The following ABTB3 variants were observed in gnomAD, a reference collection of about 807,000 sequenced individuals.
ABTB3 encodes the protein ankyrin repeat- and BTB/POZ domain-containing protein 3.
the ABTB3 span, among the ~76,000 whole-genome samples, chr12:107,598,738 G>A: frequency 6.6e-6 from 1 of 152,198 alleles, no homozygotes; most frequent in Admixed American, 6.5e-5. Flanking sequence ...TGTCCATGCT[G>A]GGAGGTACCC....
At chr12:107,517,848 T>A in the ABTB3 span, among the ~76,000 whole-genome samples, 1 of 151,778 alleles carries the variant, frequency 6.6e-6, no homozygotes, top group South Asian at 2.1e-4. Context: ...TGGGAGAAAA[T>A]TTTTGCAATC....
the ABTB3 span, among the ~76,000 whole-genome samples, chr12:107,454,011 G>A: frequency 1.3e-5 from 2 of 152,200 alleles, no homozygotes; most frequent in Non-Finnish European, 2.9e-5. Context: ...TGGTTTAAGG[G>A]GAAATCAAGA....
the ABTB3 span, among the ~76,000 whole-genome samples, chr12:107,601,231 A>G: frequency 0.15 from 21,898 of 150,366 alleles, 1,683 homozygotes; most frequent in East Asian, 0.29. Flanking sequence ...TTAGCAAGTA[A>G]GTACTGGGAT....
At chr12:107,366,312 GTACA>G in the ABTB3 span, among the ~76,000 whole-genome samples, 1 of 152,114 alleles carries the variant, frequency 6.6e-6, no homozygotes, top group Non-Finnish European at 1.5e-5. Flanking sequence ...AGAAAGCATC[GTACA>G]TAAGGTCTCT....
the ABTB3 span, among the ~76,000 whole-genome samples, chr12:107,465,542 A>T: frequency 6.6e-6 from 1 of 152,206 alleles, no homozygotes; most frequent in Non-Finnish European, 1.5e-5. Flanking sequence ...ATAACAGCAG[A>T]TGCAGTCCCA....
chr12:107,483,813 T>G, the ABTB3 span, among the ~76,000 whole-genome samples: 1 of 152,142 alleles, frequency 6.6e-6, no homozygotes, highest in African/African-American at 2.4e-5. Flanking sequence ...TAGCCTCCCA[T>G]GTAGCTGGGA....
the ABTB3 span, among the ~76,000 whole-genome samples, chr12:107,601,046 C>T: frequency 1.1e-4 from 17 of 152,210 alleles, no homozygotes; most frequent in Non-Finnish European, 1.9e-4. Flanking sequence ...CAATGAATTA[C>T]GCATTCCATG....
At chr12:107,432,351 T>C in the ABTB3 span, among the ~76,000 whole-genome samples, 1 of 152,222 alleles carries the variant, frequency 6.6e-6, no homozygotes, top group East Asian at 1.9e-4. Flanking sequence ...GGTACATTTT[T>C]ACCTCTCCAG....
chr12:107,433,241 G>A, the ABTB3 span, among the ~76,000 whole-genome samples: 2,063 of 130,524 alleles, frequency 0.016, 11 homozygotes, highest in South Asian at 0.024. Context: ...AGTGAGCCGA[G>A]ATTGCGCCAC....
the ABTB3 span, chr12:107,635,342 C>CTT: frequency 6.2e-7 from 1 of 1,613,952 alleles, no homozygotes; most frequent in Non-Finnish European, 8.5e-7. Context: ...CGGGCCCTAC[C>CTT]CCATCCCCAA....
At chr12:107,651,716 C>T in the ABTB3 span, 9 of 1,614,028 alleles carry the variant, frequency 5.6e-6, no homozygotes, top group South Asian at 1.1e-5. Context: ...GGCTTTGCAG[C>T]GACACTGTGA....
chr12:107,318,590 C>A, the ABTB3 span: 1 of 191,982 alleles, frequency 5.2e-6, no homozygotes. Flanking sequence ...GTGGCCGGCG[C>A]CCGGTGGCTA....
At chr12:107,476,203 C>T in the ABTB3 span, among the ~76,000 whole-genome samples, 2 of 152,188 alleles carry the variant, frequency 1.3e-5, no homozygotes, top group Non-Finnish European at 2.9e-5. Flanking sequence ...TCTGCCCCTC[C>T]TGATGAGGCT....
At chr12:107,597,892 A>G in the ABTB3 span, among the ~76,000 whole-genome samples, 468 of 152,322 alleles carry the variant, frequency 3.1e-3, 2 homozygotes, top group African/African-American at 9.3e-3. Context: ...TTTTTTAAAT[A>G]AAGTTTTATT....
chr12:107,542,367 C>T, the ABTB3 span, among the ~76,000 whole-genome samples: 6 of 150,922 alleles, frequency 4.0e-5, no homozygotes, highest in South Asian at 4.2e-4. Flanking sequence ...TCCCAAAGTA[C>T]GCAACATATT....
the ABTB3 span, among the ~76,000 whole-genome samples, chr12:107,644,217 C>T: frequency 6.6e-6 from 1 of 152,190 alleles, no homozygotes; most frequent in South Asian, 2.1e-4. Context: ...AATACCCTTC[C>T]TAAATGGGAA....
chr12:107,393,050 C>A, the ABTB3 span, among the ~76,000 whole-genome samples: 2 of 152,038 alleles, frequency 1.3e-5, no homozygotes, highest in African/African-American at 4.8e-5. Flanking sequence ...GGTGTGCAGG[C>A]CACACCTGGT....
At chr12:107,374,666 G>A in the ABTB3 span, 4 of 152,160 alleles carry the variant, frequency 2.6e-5, no homozygotes, top group Non-Finnish European at 4.4e-5. Context: ...AGAGGAAGAC[G>A]GCTTCAAGCT....
the ABTB3 span, among the ~76,000 whole-genome samples, chr12:107,529,459 G>T: frequency 6.6e-6 from 1 of 152,258 alleles, no homozygotes; most frequent in African/African-American, 2.4e-5. Flanking sequence ...TGATGGTGAT[G>T]GGGATGGTGA....
Sources: gnomAD v4.1 joint callset for allele counts (sites outside exome capture counted in the v4.1 genomes callset) on GRCh38, gnomAD v4.1.1 for gene constraint, MANE v1.5 for transcripts, NCBI Gene and HGNC (gene_info 2026-07-23, HGNC 2026-07-21) for gene names.